RPAP2: variants seen among roughly 807,000 people sequenced by gnomAD.
RPAP2 encodes RNA polymerase II associated protein 2, also known as putative RNA polymerase II subunit B1 CTD phosphatase RPAP2.
RPAP2 carries 52 observed loss-of-function variants against 73.1 expected under a neutral mutation model. That is an observed-to-expected ratio of 0.71 (90% CI 0.57 to 0.90). The LOEUF is 0.90. Ranked by LOEUF, RPAP2 falls within the 40% of genes least tolerant of loss-of-function variation. The pLI is 0.00. For synonymous variants in RPAP2, 225 were observed against 242.1 expected (o/e 0.93, Z 0.65); for missense variants, 598 against 701.8 (o/e 0.85, Z 1.67).
chr1:92,378,784 CT>C (rs1337814340), intron 11 of RPAP2, among the ~76,000 whole-genome samples: 2 of 152,288 alleles, frequency 1.3e-5, no homozygotes, highest in East Asian at 3.9e-4. Context: ...CTATACCCAG[CT>C]TGGGCTTGGC....
chr1:92,330,157 G>C (rs1417072603), intron 8 of RPAP2, among the ~76,000 whole-genome samples: 1 of 152,186 alleles, frequency 6.6e-6, no homozygotes, highest in Non-Finnish European at 1.5e-5. Context: ...CAGAGAGCAA[G>C]GAAGCCCATT....
At chr1:92,361,936 T>C (rs1654753325) in intron 11 of RPAP2, among the ~76,000 whole-genome samples, 1 of 152,194 alleles carries the variant, frequency 6.6e-6, no homozygotes. Flanking sequence ...TTTTAGTTAT[T>C]TATCTGATGC....
intron 10 of RPAP2, among the ~76,000 whole-genome samples, chr1:92,343,171 G>A (rs192685096): frequency 1.7e-4 from 26 of 152,236 alleles, no homozygotes; most frequent in African/African-American, 6.3e-4. Flanking sequence ...ATGAGAGGTG[G>A]GGGAACCAGG....
intron 11 of RPAP2, among the ~76,000 whole-genome samples, chr1:92,350,803 A>T (rs1571109371): frequency 6.6e-6 from 1 of 152,200 alleles, no homozygotes; most frequent in African/African-American, 2.4e-5. Context: ...ATGGTGGGGC[A>T]TGCCTATAGT....
intron 11 of RPAP2, among the ~76,000 whole-genome samples, chr1:92,346,423 C>T (rs1557615755): frequency 6.6e-6 from 1 of 152,174 alleles, no homozygotes; most frequent in Non-Finnish European, 1.5e-5. Context: ...CTCTACCTCC[C>T]AAACTGCTAG....
chr1:92,339,320 G>T, intron 10 of RPAP2, among the ~76,000 whole-genome samples: 1 of 71,172 alleles, frequency 1.4e-5, no homozygotes, highest in African/African-American at 5.2e-5. Context: ...CCCCACCCCC[G>T]CCCCCACAAC....
intron 11 of RPAP2, among the ~76,000 whole-genome samples, chr1:92,380,030 C>T (rs547358626): frequency 7.6e-4 from 65 of 85,698 alleles, no homozygotes; most frequent in African/African-American, 1.8e-3. Flanking sequence ...GAGGCTGAGG[C>T]TGGTGGATCG....
intron 10 of RPAP2, among the ~76,000 whole-genome samples, chr1:92,345,437 A>G (rs559435179): frequency 6.0e-5 from 8 of 133,320 alleles, no homozygotes; most frequent in East Asian, 2.6e-4. Context: ...GGAAGGAAGG[A>G]AGGGAGGGAG....
At chr1:92,339,309 A>C (rs1653465050) in intron 10 of RPAP2, among the ~76,000 whole-genome samples, 1 of 134,452 alleles carries the variant, frequency 7.4e-6, no homozygotes, top group South Asian at 2.6e-4. Context: ...CCTGGGTCCT[A>C]CCCCACCCCC....
Position 92,390,965 on chromosome 1 carries a change from TAGAC to T in RPAP2, c.*3958_*3961del, listed in dbSNP as rs1353283957. 1.3e-5 allele frequency: 2 copies of T among 152,140 alleles called. No individual in the cohort carries two copies. The highest frequency in any genetic ancestry group is 4.8e-5 in the African/African-American group (2 of 41,426). 9.4% of individuals were successfully genotyped at this position (152,140 alleles called of 1,614,324 possible). A position where few individuals can be genotyped will look rare whatever the true frequency, so the allele number is the denominator to read the frequency against. ...GACTTTAACACCCCACTGTCAATAT[TAGAC>T]AGATCAACAAGACAGAAAATTAACA... On this transcript the variant is annotated 3_prime_UTR_variant, in exon 13 of 13. Transcript: ENST00000610020.
Position 92,388,224 on chromosome 1 carries a change from A to G in RPAP2, c.*1213A>G, listed in dbSNP as rs1655933350. On this transcript the variant is annotated 3_prime_UTR_variant, in exon 13 of 13. Transcript: ENST00000610020. ...GAATAAATTTAACAAAATAAGTATA[A>G]GACTTGTATAACGAAAACTATAAAA... The G allele has an allele frequency of 6.6e-6, 1 of 152,310 alleles. No homozygotes were observed. Among genetic ancestry groups the G allele is most frequent in the South Asian group, 2.1e-4 (1 of 4,824 alleles). The allele number at this position is 152,310 out of a possible 1,614,324, so 9.4% of individuals were successfully genotyped here.
intron 10 of RPAP2, 143 bp downstream of exon 10, chr1:92,336,570 AAAC>A (rs1416285272): frequency 1.5e-5 from 9 of 597,712 alleles, no homozygotes; most frequent in African/African-American, 1.1e-4. Context: ...CTCCTCCACT[AAAC>A]AACATTATTT....
chr1:92,327,271 C>G (rs1652690534), intron 8 of RPAP2, among the ~76,000 whole-genome samples: 1 of 152,120 alleles, frequency 6.6e-6, no homozygotes, highest in South Asian at 2.1e-4. Context: ...AAGTCCCCCA[C>G]TATTATTGTG....
At chr1:92,383,523 T>C (rs921222304) in intron 12 of RPAP2, among the ~76,000 whole-genome samples, 1 of 152,204 alleles carries the variant, frequency 6.6e-6, no homozygotes, top group Non-Finnish European at 1.5e-5. Context: ...TTTATTATCT[T>C]TGAAGCAATT....
intron 6 of RPAP2, among the ~76,000 whole-genome samples, chr1:92,319,494 G>A (rs180932812): frequency 2.9e-4 from 44 of 152,188 alleles, no homozygotes; most frequent in African/African-American, 9.9e-4. Flanking sequence ...TGGCAGGCGC[G>A]GTGGCTCACA....
At chr1:92,336,562 C>T (rs1416226311) in intron 10 of RPAP2, 135 bp downstream of exon 10, 7 of 611,416 alleles carry the variant, frequency 1.1e-5, no homozygotes, top group African/African-American at 7.5e-5. Flanking sequence ...TCTATTTTCT[C>T]CTCCACTAAA....
At chr1:92,344,998 G>C (rs181226678) in intron 10 of RPAP2, among the ~76,000 whole-genome samples, 6 of 152,132 alleles carry the variant, frequency 3.9e-5, no homozygotes, top group African/African-American at 1.4e-4. Flanking sequence ...TGACTACAGA[G>C]TTTTTTGTTG....
rs1367826581 is a variant in RPAP2, at chr1:92,324,305, G to T, written c.1385G>T (p.Arg462Met). The T allele has an allele frequency of 6.2e-7, 1 of 1,613,926 alleles. No individual in the cohort carries two copies. Among genetic ancestry groups the T allele is most frequent in the Non-Finnish European group, 8.5e-7 (1 of 1,179,968 alleles). The change falls in exon 8 of 13, where the codon AGG (arginine) becomes ATG (methionine). Residue 462 changes from arginine to methionine, a missense_variant. By Grantham distance (91) the Arg-to-Met change is moderately conservative (BLOSUM62 -1). This residue lies in a region of RPAP2 where 506 missense variants were observed against 612.8 expected (regional missense o/e 0.83). Transcript: ENST00000610020. ...LKKETEKLNLRIREFYRGRYV... is the reference protein window; with the variant it reads ...LKKETEKLNLMIREFYRGRYV... Reference sequence around the variant, plus strand: ...AAAGAAACTGAAAAGTTAAATCTGAGGATCAGGGAGTTTTACAGAGGACGG... The same window carrying T: ...AAAGAAACTGAAAAGTTAAATCTGATGATCAGGGAGTTTTACAGAGGACGG...
chr1:92,314,159 C>A (rs566795401), intron 6 of RPAP2, among the ~76,000 whole-genome samples: 1 of 152,178 alleles, frequency 6.6e-6, no homozygotes, highest in Non-Finnish European at 1.5e-5. Context: ...TCACAACTTG[C>A]GTACTGGCAA....
Sources: gnomAD v4.1 joint callset for allele counts (sites outside exome capture counted in the v4.1 genomes callset) on GRCh38, gnomAD v4.1.1 for gene constraint, gnomAD v4.1.1 regional missense constraint, MANE v1.5 for transcripts, NCBI Gene and HGNC (gene_info 2026-07-23, HGNC 2026-07-21) for gene names.